The following CYP27C1 variants were observed in gnomAD, a reference collection of about 807,000 sequenced individuals.
The protein encoded by CYP27C1 is cytochrome P450 27C1.
A neutral mutation model predicts 40.6 loss-of-function variants in CYP27C1; 29 were observed. That is an observed-to-expected ratio of 0.71 (90% CI 0.53 to 0.97). The LOEUF (loss-of-function observed/expected upper bound fraction) is 0.97. Among genes scored for constraint, CYP27C1 ranks in the 50% least tolerant of loss-of-function variants. CYP27C1 has a pLI of 0.00. For synonymous variants in CYP27C1, 198 were observed against 186.8 expected, an observed-to-expected ratio of 1.06 and a Z score of -0.49; for missense variants, 390 against 485.8, an observed-to-expected ratio of 0.80 and a Z score of 1.85.
intron 2 of CYP27C1, among the ~76,000 whole-genome samples, chr2:127,204,606 AAAG>A (rs1683179823): frequency 4.0e-5 from 4 of 101,016 alleles, no homozygotes; most frequent in Non-Finnish European, 6.0e-5. Flanking sequence ...AGAAAGAAAG[AAAG>A]AAAGAAAGAA....
intron 1 of CYP27C1, among the ~76,000 whole-genome samples, chr2:127,211,791 C>T (rs921392628): frequency 1.3e-5 from 2 of 151,730 alleles, no homozygotes; most frequent in Non-Finnish European, 2.9e-5. Flanking sequence ...GCTAAAGAGG[C>T]GAGAGCAAAC....
rs1683028821 is a variant in CYP27C1 at position 127,201,272 on chromosome 2, G to C, written c.733C>G (p.Leu245Val). 1.2e-6 allele frequency: 2 copies of C among 1,614,150 alleles called. No homozygotes were observed. The highest frequency in any genetic ancestry group is 1.7e-6 in the Non-Finnish European group (2 of 1,180,040). ...LGCLENSIPQLTVEYIEALEL... is the reference protein window; with the variant it reads ...LGCLENSIPQVTVEYIEALEL... ...AGGGCCTCGATGTATTCCACAGTCA[G>C]CTGTGGGATGCTGTTTTCCAGGCAG... The change falls in exon 4 of 9, where the codon CTG becomes GTG. Residue 245 changes from leucine (L) to valine (V), a missense_variant. By Grantham distance (32) the Leu-to-Val change is conservative. Transcript: ENST00000664447. This position sits in a 1 kb window ranked among gnomAD's most constrained non-coding sequence, Gnocchi z 6.0.
intron 5 of CYP27C1, among the ~76,000 whole-genome samples, chr2:127,197,931 C>T (rs150473839): frequency 6.6e-6 from 1 of 152,118 alleles, no homozygotes; most frequent in Non-Finnish European, 1.5e-5. Flanking sequence ...GTTCCCTCCA[C>T]GCGCTGCTCT....
At chr2:127,204,598 A>AAGCAAGCAAGCAAGCAAGCAAGC (rs1558931503) in intron 2 of CYP27C1, among the ~76,000 whole-genome samples, 1 of 98,204 alleles carries the variant, frequency 1.0e-5, no homozygotes, top group Non-Finnish European at 2.0e-5. Flanking sequence ...AGAAAGAAAG[A>AAGCAAGCAAGCAAGCAAGCAAGC]AAGAAAGAAA....
intron 8 of CYP27C1, 134 bp downstream of exon 8, chr2:127,192,960 G>C: frequency 8.6e-7 from 1 of 1,157,150 alleles, no homozygotes; most frequent in Non-Finnish European, 1.2e-6. Context: ...ACAGGTGTGA[G>C]CCACAGTGCC....
At chr2:127,191,565 C>G (rs185551002) in intron 8 of CYP27C1, among the ~76,000 whole-genome samples, 190 of 152,344 alleles carry the variant, frequency 1.2e-3, no homozygotes, top group African/African-American at 4.4e-3. Flanking sequence ...CCACAGCAGA[C>G]TTAGTGCAGG....
intron 3 of CYP27C1, among the ~76,000 whole-genome samples, chr2:127,202,178 A>T (rs1396933906): frequency 6.7e-6 from 1 of 148,914 alleles, no homozygotes; most frequent in African/African-American, 2.5e-5. Flanking sequence ...ATGCTGGAGT[A>T]CAATTGTGTG....
chr2:127,197,139 C>T (rs553206791), intron 5 of CYP27C1, among the ~76,000 whole-genome samples: 6 of 152,328 alleles, frequency 3.9e-5, no homozygotes, highest in Non-Finnish European at 8.8e-5. Context: ...ACAAGCTCAG[C>T]GACGAAGCCA....
intron 1 of CYP27C1, among the ~76,000 whole-genome samples, chr2:127,211,369 GTTTTTTTTTTTTTTTT>G (rs371826841): frequency 1.2e-3 from 112 of 94,976 alleles, no homozygotes; most frequent in Admixed American, 1.8e-3. Context: ...GTGTTTTTTT[GTTTTTTTTTTTTTTTT>G]TTTTTTTTTT....
At chr2:127,205,871 C>T (rs1683215562) in intron 2 of CYP27C1, 29 bp downstream of exon 2, 4 of 537,838 alleles carry the variant, frequency 7.4e-6, no homozygotes, top group Non-Finnish European at 7.1e-6. Flanking sequence ...CCCTCCAGCC[C>T]GTGGCTCAGC....
At chr2:127,189,831 C>T (rs74479529) in intron 8 of CYP27C1, among the ~76,000 whole-genome samples, 5,864 of 152,198 alleles carry the variant, frequency 0.039, 123 homozygotes, top group East Asian at 0.065. Flanking sequence ...GATGCCTTTC[C>T]GTTTTATACA....
intron 5 of CYP27C1, among the ~76,000 whole-genome samples, chr2:127,197,971 G>A (rs1682942675): frequency 6.6e-6 from 1 of 152,088 alleles, no homozygotes; most frequent in South Asian, 2.1e-4. Context: ...CAGATGTGCA[G>A]ATGCACACAG....
intron 8 of CYP27C1, among the ~76,000 whole-genome samples, chr2:127,190,744 G>A (rs1448856006): frequency 4.0e-5 from 6 of 148,646 alleles, no homozygotes; most frequent in South Asian, 4.3e-4. Flanking sequence ...TCAGAAGTTC[G>A]AGACCACCCT....
chr2:127,189,169 C>T (rs1250120525), intron 8 of CYP27C1, among the ~76,000 whole-genome samples: 3 of 1,128 alleles, frequency 2.7e-3, no homozygotes, highest in African/African-American at 2.8e-3. Flanking sequence ...AAAAACACTG[C>T]CCCCCCCCTC....
chr2:127,208,736 T>C lies in CYP27C1; in HGVS notation c.283-2646A>G, dbSNP rs1490198311. Among the ~76,000 whole-genome samples the C allele has an allele frequency of 6.6e-6, 1 of 152,214 alleles. No individual in the cohort carries two copies. The highest frequency in any genetic ancestry group is 1.5e-5 in the Non-Finnish European group (1 of 68,030). ...CAGCTCAACACACCAGCTGTGGCAG[T>C]TGGCAGCCAGAGTGCCTCTTCAGGT... On this transcript the variant is annotated intron_variant, in intron 1 of 8. Transcript: ENST00000664447. This position sits in a 1 kb window ranked among gnomAD's most constrained non-coding sequence, Gnocchi z 5.2.
intron 8 of CYP27C1, among the ~76,000 whole-genome samples, chr2:127,192,391 C>A (rs1682799979): frequency 1.3e-5 from 2 of 152,206 alleles, no homozygotes; most frequent in Admixed American, 1.3e-4. Flanking sequence ...CCGCCATTGA[C>A]TTTACTTTTA....
intron 1 of CYP27C1, among the ~76,000 whole-genome samples, chr2:127,210,311 T>C (rs1385156411): frequency 4.6e-5 from 7 of 152,186 alleles, no homozygotes; most frequent in Non-Finnish European, 1.0e-4. Flanking sequence ...AAGCAAATGC[T>C]GAGGGATTTT....
At position 127,195,204 on chromosome 2, in the gene CYP27C1, GA is replaced by G. The variant is rs1682874265; in HGVS notation, c.1214+130del. ...TTTCTGCTATTCTGACAAGAGCAGA[GA>G]AAAAATAACAGTCACGAACATCCTC... On this transcript the variant is annotated intron_variant, in intron 6 of 8. Transcript: ENST00000664447. This position sits in a 1 kb window ranked among gnomAD's most constrained non-coding sequence, Gnocchi z 6.2. 8.9e-7 allele frequency: 1 copy of G among 1,122,464 alleles called. No homozygotes were observed. Among genetic ancestry groups the G allele is most frequent in the African/African-American group, 1.6e-5 (1 of 64,464 alleles). 69.5% of individuals were successfully genotyped at this position (1,122,464 alleles called of 1,614,324 possible).
At position 127,201,394 on chromosome 2, in the gene CYP27C1, T is replaced by C. The variant is rs1683032903; in HGVS notation, c.674-63A>G. 2.6e-6 allele frequency: 4 copies of C among 1,523,206 alleles called. No homozygotes were observed. In the African/African-American group the frequency reaches 5.5e-5, roughly 21 times the overall value. 94.4% of individuals were successfully genotyped at this position (1,523,206 alleles called of 1,614,324 possible). On this transcript the variant is annotated intron_variant, in intron 3 of 8. Coordinates refer to ENST00000664447, the MANE Select transcript of CYP27C1 (RefSeq NM_001367502.1). This position sits in a 1 kb window ranked among gnomAD's most constrained non-coding sequence, Gnocchi z 6.0. ...TTATTTACCATACCAACAGGCAATG[T>C]TGGGCCATAAATGCAACTTTCAAAC...
Sources: gnomAD v4.1 joint callset for allele counts (sites outside exome capture counted in the v4.1 genomes callset) on GRCh38, gnomAD v4.1.1 for gene constraint, Gnocchi (gnomAD v3.1) non-coding constraint, MANE v1.5 for transcripts, NCBI Gene and HGNC (gene_info 2026-07-23, HGNC 2026-07-21) for gene names.